The following COL4A5 variants were observed in gnomAD, a reference collection of about 807,000 sequenced individuals.
The protein encoded by COL4A5 is collagen type IV alpha 5 chain.
Under a neutral mutation model 130.2 loss-of-function variants are expected in COL4A5, and 26 were observed. The observed-to-expected ratio is 0.20, with a 90% CI of 0.15 to 0.28. COL4A5 has a LOEUF of 0.28. Among genes scored for constraint, COL4A5 ranks in the 10% least tolerant of loss-of-function variants. The pLI is 1.00. For synonymous variants in COL4A5, 496 were observed against 439.6 expected, an observed-to-expected ratio of 1.13 and a Z score of -1.60; for missense variants, 1,131 against 1,344.3, an observed-to-expected ratio of 0.84 and a Z score of 2.48.
intron 1 of COL4A5, among the ~76,000 whole-genome samples, chrX:108,454,380 T>A (rs1308757932): frequency 9.0e-6 from 1 of 111,079 alleles, no homozygotes; most frequent in Non-Finnish European, 1.9e-5. Flanking sequence ...CAAGTTCAAG[T>A]GATTCTCCTG....
chrX:108,662,023 T>A (rs2067967770), intron 37 of COL4A5, among the ~76,000 whole-genome samples: 1 of 107,963 alleles, frequency 9.3e-6, no homozygotes. Context: ...GCTGCACCCA[T>A]TAACTGGTCA....
Position 108,568,680 on chromosome X carries a change from A to G in COL4A5, c.321+7A>G, listed in dbSNP as rs2147746332. 5.8e-6 allele frequency: 7 copies of G among 1,199,129 alleles called. No homozygotes were observed. Among genetic ancestry groups the G allele is most frequent in the Non-Finnish European group, 7.9e-6 (7 of 884,166 alleles). On this transcript the variant is annotated splice_region_variant and intron_variant, in intron 5 of 52. Transcript: ENST00000328300. ...AGGGACACCAGGTCTTCCTGTAAGT[A>G]GCATTTCACTTTTTACTTTGAAATC... is the stretch of plus-strand genomic sequence containing the variant.
chrX:108,478,602 A>G (rs770421006), intron 1 of COL4A5, among the ~76,000 whole-genome samples: 3 of 111,828 alleles, frequency 2.7e-5, no homozygotes, highest in African/African-American at 6.5e-5. Flanking sequence ...CCACCGTTCT[A>G]TCAATCCAGC....
intron 1 of COL4A5, among the ~76,000 whole-genome samples, chrX:108,509,926 T>G (rs912526313): frequency 2.7e-5 from 3 of 112,285 alleles, no homozygotes; most frequent in Non-Finnish European, 5.6e-5. Flanking sequence ...CAGTGACAGA[T>G]TACATAAAGA....
intron 2 of COL4A5, among the ~76,000 whole-genome samples, chrX:108,547,514 C>T: frequency 8.9e-6 from 1 of 111,907 alleles, no homozygotes. Context: ...TGTCAGTCTG[C>T]CCCTACTGGG....
intron 1 of COL4A5, among the ~76,000 whole-genome samples, chrX:108,491,352 C>T (rs751727063): frequency 5.4e-5 from 6 of 111,593 alleles, no homozygotes; most frequent in Non-Finnish European, 7.5e-5. Flanking sequence ...CAAAGTGTGA[C>T]GCTTCATTTA....
At chrX:108,632,594 C>T (rs886986487) in intron 36 of COL4A5, among the ~76,000 whole-genome samples, 1 of 111,347 alleles carries the variant, frequency 9.0e-6, no homozygotes, top group Non-Finnish European at 1.9e-5. Context: ...AAAATACTGG[C>T]AAACTGAATC....
At chrX:108,644,919 CA>C (rs778790757) in intron 36 of COL4A5, among the ~76,000 whole-genome samples, 730 of 47,506 alleles carry the variant, frequency 0.015, 6 homozygotes, top group Middle Eastern at 0.044. Context: ...ACAACAACAA[CA>C]AAAAAAAAAA....
At chrX:108,558,537 A>G (rs749335349) in intron 2 of COL4A5, among the ~76,000 whole-genome samples, 15 of 111,740 alleles carry the variant, frequency 1.3e-4, no homozygotes, top group Admixed American at 5.7e-4. Context: ...TATTCTGAGT[A>G]AAGGAATTAA....
At chrX:108,631,936 A>G (rs1362102996) in intron 36 of COL4A5, among the ~76,000 whole-genome samples, 1 of 111,195 alleles carries the variant, frequency 9.0e-6, no homozygotes, top group African/African-American at 3.3e-5. Context: ...GCAAGAGCAA[A>G]CAAATTCAAA....
At chrX:108,519,767 A>C (rs1222645156) in intron 1 of COL4A5, among the ~76,000 whole-genome samples, 2 of 110,914 alleles carry the variant, frequency 1.8e-5, no homozygotes, top group Non-Finnish European at 3.8e-5. Flanking sequence ...ATGCTCCATG[A>C]TATCCACTTT....
At chrX:108,495,648 G>T (rs1569477765) in intron 1 of COL4A5, among the ~76,000 whole-genome samples, 2 of 111,672 alleles carry the variant, frequency 1.8e-5, no homozygotes, top group Non-Finnish European at 1.9e-5. Flanking sequence ...CCCTGAATGG[G>T]CAAAAAACAT....
intron 36 of COL4A5, among the ~76,000 whole-genome samples, chrX:108,644,664 C>T (rs968785294): frequency 9.0e-6 from 1 of 111,485 alleles, no homozygotes; most frequent in Non-Finnish European, 1.9e-5. Context: ...CTTTGAGAGG[C>T]CAGTTTGGGC....
rs1165228239 is a variant in COL4A5 at position 108,582,928 on chromosome X, T to C, written c.981T>C (p.Asp327=). Reference sequence around the variant, plus strand: ...GTTACCCTGGTGAACCCGGAAGGGATGGTGAAAAGGTAAGAATTTTAATAC... The same window carrying C: ...GTTACCCTGGTGAACCCGGAAGGGACGGTGAAAAGGTAAGAATTTTAATAC... ...DPGYPGEPGR[D]GEKGQKGDTG... Residue 327 remains aspartate, a synonymous_variant, in exon 17 of 53, where the codon GAT becomes GAC. Coordinates refer to ENST00000328300, the MANE Select transcript of COL4A5 (RefSeq NM_033380.3). The C allele has an allele frequency of 8.3e-7, 1 of 1,199,226 alleles. No homozygotes were observed. Among genetic ancestry groups the C allele is most frequent in the Non-Finnish European group, 1.1e-6 (1 of 885,776 alleles).
chrX:108,550,303 C>T (rs139930285), intron 2 of COL4A5, among the ~76,000 whole-genome samples: 1,887 of 111,653 alleles, frequency 0.017, 42 homozygotes, highest in African/African-American at 0.057. Flanking sequence ...TCAAATCCAA[C>T]AACATATAAA....
chrX:108,593,578 A>G (rs745468864), intron 21 of COL4A5, among the ~76,000 whole-genome samples: 10 of 111,318 alleles, frequency 9.0e-5, no homozygotes, highest in Admixed American at 9.5e-5. Context: ...TCTTTCTTCA[A>G]TTAATTTTTG....
chrX:108,488,895 G>A (rs1340241354), intron 1 of COL4A5, among the ~76,000 whole-genome samples: 3 of 111,193 alleles, frequency 2.7e-5, no homozygotes, highest in Non-Finnish European at 5.7e-5. Flanking sequence ...AATTTCGGTA[G>A]CATTTTATAA....
At chrX:108,668,533 C>G (rs1240586729) in intron 41 of COL4A5, 29 bp downstream of exon 41, 2 of 1,097,588 alleles carry the variant, frequency 1.8e-6, no homozygotes, top group Admixed American at 5.9e-5. Flanking sequence ...GGAGAATGGT[C>G]TATTTATTAG....
Position 108,578,105 on chromosome X carries a change from C to T in COL4A5, c.673C>T (p.Pro225Ser). The change falls in exon 12 of 53, where the codon CCC becomes TCC. Residue 225 changes from proline (P) to serine (S), a missense_variant. Transcript: ENST00000328300. ...KGNMGLNFQG[P>S]KGEKGEQGLQ... ...GAATATGGGCTTAAATTTCCAGGGACCCAAAGGTGAAAAAGTGAGTAAAGA... is the reference window on the plus strand; with the variant it reads ...GAATATGGGCTTAAATTTCCAGGGATCCAAAGGTGAAAAAGTGAGTAAAGA... 1.7e-6 allele frequency: 2 copies of T among 1,210,445 alleles called. No homozygotes were observed. Among genetic ancestry groups the T allele is most frequent in the Middle Eastern group, 2.3e-4 (1 of 4,351 alleles).
Sources: gnomAD v4.1 joint callset for allele counts (sites outside exome capture counted in the v4.1 genomes callset) on GRCh38, gnomAD v4.1.1 for gene constraint, MANE v1.5 for transcripts, NCBI Gene and HGNC (gene_info 2026-07-23, HGNC 2026-07-21) for gene names.